Variants in SRBD1 observed in about 807,000 individuals in gnomAD.
SRBD1 encodes the protein S1 RNA-binding domain-containing protein 1.
Under a neutral mutation model 115.3 loss-of-function variants are expected in SRBD1, and 88 were observed. The observed-to-expected ratio is 0.76, with a 90% CI of 0.64 to 0.91. The LOEUF (loss-of-function observed/expected upper bound fraction) is 0.91, where lower values mean the gene tolerates loss of function less well. SRBD1 is among the 40% of genes least tolerant of loss of function. The pLI is 0.00. For synonymous variants in SRBD1, 509 were observed against 407.7 expected (o/e 1.25, Z -2.99); for missense variants, 1,385 against 1,177.4 (o/e 1.18, Z -2.58).
At chr2:45,453,795 A>T (rs1669069113) in intron 16 of SRBD1, among the ~76,000 whole-genome samples, 1 of 151,916 alleles carries the variant, frequency 6.6e-6, no homozygotes, top group African/African-American at 2.4e-5. Flanking sequence ...GAGACTAGAG[A>T]AAAAGTTCTG....
rs140618207 is a variant in SRBD1 at position 45,529,238 on chromosome 2, A to G, written c.1874+17494T>C. Among the ~76,000 whole-genome samples the G allele has an allele frequency of 4.3e-4, 65 of 152,068 alleles. No homozygotes were observed. In the East Asian group the frequency reaches 0.01, roughly 23 times the overall value. ...AATATCCCCCAAGATATTAAATTCA[A>G]TAAGACAGATACATTTTACATTTTC... On this transcript the variant is annotated intron_variant, in intron 14 of 20. Coordinates refer to ENST00000263736, the MANE Select transcript of SRBD1 (RefSeq NM_018079.5).
intron 19 of SRBD1, among the ~76,000 whole-genome samples, chr2:45,394,734 C>T (rs143050058): frequency 4.5e-4 from 68 of 152,306 alleles, no homozygotes; most frequent in Non-Finnish European, 8.4e-4. Flanking sequence ...TTCAAATGTG[C>T]AACACTCCTA....
chr2:45,483,677 A>G (rs533192392), intron 15 of SRBD1, among the ~76,000 whole-genome samples: 14 of 152,204 alleles, frequency 9.2e-5, no homozygotes, highest in Non-Finnish European at 1.9e-4. Flanking sequence ...TTAAAGTCCA[A>G]TATTCATCTC....
At chr2:45,492,531 C>T (rs187454643) in intron 14 of SRBD1, among the ~76,000 whole-genome samples, 104 of 152,248 alleles carry the variant, frequency 6.8e-4, no homozygotes, top group Non-Finnish European at 5.7e-4. Context: ...CTCCACCTCC[C>T]GGGTTCACAC....
intron 14 of SRBD1, among the ~76,000 whole-genome samples, chr2:45,541,782 G>A (rs967465196): frequency 6.6e-6 from 1 of 152,220 alleles, no homozygotes; most frequent in African/African-American, 2.4e-5. Flanking sequence ...ACCCAAAGTG[G>A]GTGGCTCCTT....
intron 16 of SRBD1, among the ~76,000 whole-genome samples, chr2:45,441,332 C>T (rs1244996390): frequency 2.0e-5 from 3 of 152,342 alleles, no homozygotes; most frequent in African/African-American, 7.2e-5. Context: ...GGCTGCAAAA[C>T]TCTGCCTCCC....
chr2:45,497,685 C>T (rs1670500449), intron 14 of SRBD1, among the ~76,000 whole-genome samples: 1 of 152,046 alleles, frequency 6.6e-6, no homozygotes. Context: ...AATTCAATGA[C>T]TTTTAGTAAA....
intron 9 of SRBD1, among the ~76,000 whole-genome samples, chr2:45,567,214 T>A (rs766235195): frequency 6.6e-6 from 1 of 152,282 alleles, no homozygotes; most frequent in Admixed American, 6.5e-5. Context: ...TCAAACAAAT[T>A]GTCAGAGTTT....
intron 16 of SRBD1, among the ~76,000 whole-genome samples, chr2:45,446,889 C>G (rs1454962887): frequency 1.3e-5 from 2 of 152,060 alleles, no homozygotes; most frequent in Non-Finnish European, 2.9e-5. Context: ...AATTCTACAT[C>G]CACTGAAACT....
At chr2:45,463,562 T>C (rs982264964) in intron 16 of SRBD1, among the ~76,000 whole-genome samples, 4 of 152,208 alleles carry the variant, frequency 2.6e-5, no homozygotes, top group African/African-American at 9.7e-5. Flanking sequence ...TCAATTGCTA[T>C]AATCACCTAG....
intron 2 of SRBD1, among the ~76,000 whole-genome samples, chr2:45,602,973 G>C (rs1674146763): frequency 6.6e-6 from 1 of 152,122 alleles, no homozygotes. Context: ...ACTAAGCCTG[G>C]TAAGGAAAAA....
intron 16 of SRBD1, among the ~76,000 whole-genome samples, chr2:45,437,568 A>G (rs1668537458): frequency 6.6e-6 from 1 of 152,198 alleles, no homozygotes; most frequent in Non-Finnish European, 1.5e-5. Context: ...AAAGTAAATC[A>G]AAATGAATCA....
intron 19 of SRBD1, among the ~76,000 whole-genome samples, chr2:45,409,359 C>T (rs1440257279): frequency 6.6e-6 from 1 of 151,922 alleles, no homozygotes; most frequent in Non-Finnish European, 1.5e-5. Context: ...TATGCACCTT[C>T]TCATCAAACA....
intron 20 of SRBD1, among the ~76,000 whole-genome samples, chr2:45,391,343 A>G (rs568903535): frequency 3.9e-5 from 6 of 152,364 alleles, no homozygotes; most frequent in South Asian, 2.1e-4. Context: ...GTTAATACAC[A>G]TGAAATTAAT....
At chr2:45,559,150 A>G (rs988511323) in intron 10 of SRBD1, among the ~76,000 whole-genome samples, 1 of 152,168 alleles carries the variant, frequency 6.6e-6, no homozygotes, top group Non-Finnish European at 1.5e-5. Flanking sequence ...CTAAGCTACC[A>G]TAATCTCTTG....
chr2:45,414,636 AGT>A (rs1277024243), intron 18 of SRBD1, among the ~76,000 whole-genome samples: 1 of 67,466 alleles, frequency 1.5e-5, no homozygotes, highest in Non-Finnish European at 4.7e-5. Flanking sequence ...GTGTGTATAT[AGT>A]GTGTATATAG....
At chr2:45,552,867 A>G (rs1672346502) in intron 11 of SRBD1, among the ~76,000 whole-genome samples, 2 of 152,222 alleles carry the variant, frequency 1.3e-5, no homozygotes, top group Non-Finnish European at 2.9e-5. Context: ...CAAGTCCAGC[A>G]AAAGAGAAAC....
chr2:45,436,689 G>C (rs549256657), intron 16 of SRBD1, among the ~76,000 whole-genome samples: 1 of 152,218 alleles, frequency 6.6e-6, no homozygotes, highest in African/African-American at 2.4e-5. Flanking sequence ...CTCACTATGA[G>C]GAGAACAGCA....
intron 16 of SRBD1, among the ~76,000 whole-genome samples, chr2:45,449,945 C>T (rs1668942861): frequency 6.6e-6 from 1 of 152,146 alleles, no homozygotes; most frequent in African/African-American, 2.4e-5. Context: ...CATTGTATGT[C>T]ACAGCCCTCT....
Sources: gnomAD v4.1 joint callset for allele counts (sites outside exome capture counted in the v4.1 genomes callset) on GRCh38, gnomAD v4.1.1 for gene constraint, MANE v1.5 for transcripts, NCBI Gene and HGNC (gene_info 2026-07-23, HGNC 2026-07-21) for gene names.